The following CCDC39 variants were observed in gnomAD, a reference collection of about 807,000 sequenced individuals.
CCDC39 encodes coiled-coil domain-containing protein 39.
A neutral mutation model predicts 121.0 loss-of-function variants in CCDC39; 113 were observed. The observed-to-expected ratio is 0.93, with a 90% CI of 0.80 to 1.09. CCDC39 has a LOEUF of 1.09. Among genes scored for constraint, CCDC39 ranks in the 50% least tolerant of loss-of-function variants. The probability of loss-of-function intolerance (pLI) is 0.00; values close to 1 mark genes in which losing one functional copy is unlikely to be tolerated. For missense variants in CCDC39, 1,063 were observed against 1,074.7 expected (o/e 0.99, Z 0.15); for synonymous variants, 349 against 352.2 (o/e 0.99, Z 0.10).
intron 1 of CCDC39, among the ~76,000 whole-genome samples, chr3:180,673,023 G>C (rs1024088831): frequency 6.6e-6 from 1 of 152,162 alleles, no homozygotes; most frequent in Admixed American, 6.5e-5. Context: ...AGAATCAAAA[G>C]GGGAGCCTGA....
intron 1 of CCDC39, among the ~76,000 whole-genome samples, chr3:180,673,172 AAGGAATTT>A (rs1284798245): frequency 6.6e-6 from 1 of 152,236 alleles, no homozygotes; most frequent in Non-Finnish European, 1.5e-5. Context: ...TTGAAATTAC[AAGGAATTT>A]AGAATATTAC....
intron 13 of CCDC39, among the ~76,000 whole-genome samples, chr3:180,634,241 G>T (rs1196772173): frequency 6.9e-6 from 1 of 144,370 alleles, no homozygotes; most frequent in African/African-American, 2.6e-5. Context: ...AAAAGCTTCT[G>T]CCACTGGCTC....
chr3:180,660,579 A>G lies in CCDC39; in HGVS notation c.507T>C (p.Asn169=). The G allele has an allele frequency of 6.3e-7, 1 of 1,579,552 alleles. No homozygotes were observed. Among genetic ancestry groups the G allele is most frequent in the Non-Finnish European group, 8.6e-7 (1 of 1,159,324 alleles). Residue 169 remains asparagine, a synonymous_variant, in exon 4 of 20, where the codon AAT becomes AAC. Transcript: ENST00000476379. ...TLQKYAQQDD[N]KIRALTLQLE... is the part of the protein sequence containing the mutation. Reference sequence around the variant, plus strand: ...ATTTGTAATTTCTCACCCTGATTTTATTATCATCTTGTTGTGCATACTTCT... The same window carrying G: ...ATTTGTAATTTCTCACCCTGATTTTGTTATCATCTTGTTGTGCATACTTCT...
chr3:180,672,255 T>A (rs1560095691), intron 1 of CCDC39, among the ~76,000 whole-genome samples: 2 of 152,134 alleles, frequency 1.3e-5, no homozygotes, highest in Non-Finnish European at 2.9e-5. Context: ...TACTGAAAAT[T>A]TTAAGCCCAC....
At chr3:180,657,313 T>C (rs1440183417) in intron 6 of CCDC39, among the ~76,000 whole-genome samples, 1 of 152,158 alleles carries the variant, frequency 6.6e-6, no homozygotes, top group African/African-American at 2.4e-5. Flanking sequence ...TGTCAACATG[T>C]AAGTAAGGAA....
intron 13 of CCDC39, among the ~76,000 whole-genome samples, chr3:180,641,258 AATAG>A (rs1030766837): frequency 1.8e-4 from 27 of 152,198 alleles, no homozygotes; most frequent in African/African-American, 3.4e-4. Flanking sequence ...AAAGGATAAA[AATAG>A]ATAGGAGCTC....
chr3:180,662,060 A>G, intron 2 of CCDC39, 53 bp from the exon 3 acceptor site: 1 of 1,464,094 alleles, frequency 6.8e-7, no homozygotes, highest in Non-Finnish European at 9.2e-7. Flanking sequence ...GAAATTTTGA[A>G]TACAAATATT....
chr3:180,674,608 T>C (rs1004172459), intron 1 of CCDC39, among the ~76,000 whole-genome samples: 1 of 152,230 alleles, frequency 6.6e-6, no homozygotes, highest in Admixed American at 6.5e-5. Flanking sequence ...TGATATTAGC[T>C]GTGGGTTTGT....
At chr3:180,631,350 G>C in intron 14 of CCDC39, 119 bp downstream of exon 14, 1 of 934,950 alleles carries the variant, frequency 1.1e-6, no homozygotes, top group Admixed American at 2.3e-5. Flanking sequence ...ATAGTTGCTA[G>C]ATTTCATGGA....
chr3:180,646,294 T>C lies in CCDC39; in HGVS notation c.1527+785A>G, dbSNP rs1001265810. Among the ~76,000 whole-genome samples the C allele has an allele frequency of 4.0e-5, 6 of 151,594 alleles. No individual in the cohort carries two copies. In the East Asian group the frequency reaches 7.7e-4, roughly 19 times the overall value. On this transcript the variant is annotated intron_variant, in intron 11 of 19. Coordinates refer to ENST00000476379, the MANE Select transcript of CCDC39 (RefSeq NM_181426.2). ...TCTTCTTAAGAAGAAAAAAAAAAAG[T>C]AATAACTCTCCACCTTTTGCAGCCC...
rs2108426504 is a variant in CCDC39, at chr3:180,654,960, T to C, written c.739-7A>G. 1 of 1,489,662 alleles carries C rather than the reference T, an allele frequency of 6.7e-7. No homozygotes were observed. Among genetic ancestry groups the C allele is most frequent in the African/African-American group, 1.4e-5 (1 of 69,258 alleles). The allele number at this position is 1,489,662 out of a possible 1,614,324, so 92.3% of individuals were successfully genotyped here. A position where few individuals can be genotyped will look rare whatever the true frequency, so the allele number is the denominator to read the frequency against. On this transcript the variant is annotated splice_polypyrimidine_tract_variant and splice_region_variant and intron_variant, in intron 6 of 19. Coordinates refer to ENST00000476379, the MANE Select transcript of CCDC39 (RefSeq NM_181426.2). Reference sequence around the variant, plus strand: ...GCTTTATCCTTGCTAATTCCTAGGATTAAAACAAATATGTTTACTTAAATA... The same window carrying C: ...GCTTTATCCTTGCTAATTCCTAGGACTAAAACAAATATGTTTACTTAAATA...
intron 6 of CCDC39, among the ~76,000 whole-genome samples, 198 bp downstream of exon 6, chr3:180,659,254 A>T (rs1711676582): frequency 6.6e-6 from 1 of 152,252 alleles, no homozygotes. Flanking sequence ...GTTTGGAGTT[A>T]TAATACTACA....
intron 13 of CCDC39, among the ~76,000 whole-genome samples, chr3:180,641,448 C>A (rs1350671911): frequency 6.6e-6 from 1 of 151,736 alleles, no homozygotes; most frequent in Non-Finnish European, 1.5e-5. Context: ...GATTGGAAAG[C>A]AAGAAATAAA....
At chr3:180,631,723 C>T (rs1321033776) in intron 13 of CCDC39, 131 bp from the exon 14 acceptor site, 16 of 721,042 alleles carry the variant, frequency 2.2e-5, no homozygotes, top group Admixed American at 2.2e-4. Flanking sequence ...TTTGTTCTCA[C>T]GTTTTAATTT....
chr3:180,667,728 C>G (rs544701102), intron 1 of CCDC39, among the ~76,000 whole-genome samples: 72 of 152,152 alleles, frequency 4.7e-4, no homozygotes, highest in African/African-American at 1.6e-3. Context: ...CTTGCGATGG[C>G]CTCTATGTAT....
intron 1 of CCDC39, among the ~76,000 whole-genome samples, chr3:180,667,337 T>C (rs1711908255): frequency 6.6e-6 from 1 of 152,228 alleles, no homozygotes; most frequent in African/African-American, 2.4e-5. Context: ...TTGCACTTTA[T>C]TGTACTTCTC....
Position 180,631,587 on chromosome 3 carries a change from T to C in CCDC39, c.1880A>G (p.Glu627Gly). ...VDQERENIST[E>G]FRERLSKIEK... The stretch of plus-strand genomic sequence containing the variant: ...AATTTTACTTAGCCGCTCGCGAAAC[T>C]CAGTGCTAATAAGAAAAAGAAACAC... The change falls in exon 14 of 20, where the codon GAG (glutamate) becomes GGG (glycine). Residue 627 changes from glutamate (E) to glycine (G), a missense_variant. Coordinates refer to ENST00000476379, the MANE Select transcript of CCDC39 (RefSeq NM_181426.2). The C allele has an allele frequency of 6.2e-7, 1 of 1,605,496 alleles. No individual in the cohort carries two copies. The highest frequency in any genetic ancestry group is 1.1e-5 in the South Asian group (1 of 90,228).
intron 2 of CCDC39, among the ~76,000 whole-genome samples, chr3:180,662,794 A>T (rs1348569448): frequency 6.6e-6 from 1 of 152,216 alleles, no homozygotes; most frequent in Non-Finnish European, 1.5e-5. Flanking sequence ...TAACTTTCTA[A>T]TAAGACTTGT....
At chr3:180,650,188 C>A (rs192825226) in intron 9 of CCDC39, among the ~76,000 whole-genome samples, 13 of 152,130 alleles carry the variant, frequency 8.5e-5, no homozygotes, top group African/African-American at 3.1e-4. Context: ...CGAAGTGGTG[C>A]ACCAGCCTTT....
Sources: gnomAD v4.1 joint callset for allele counts (sites outside exome capture counted in the v4.1 genomes callset) on GRCh38, gnomAD v4.1.1 for gene constraint, MANE v1.5 for transcripts, NCBI Gene and HGNC (gene_info 2026-07-23, HGNC 2026-07-21) for gene names.